Variants in GPR21 observed in about 807,000 individuals in gnomAD.
The protein encoded by GPR21 is G protein-coupled receptor 21, also known as probable G protein-coupled receptor 21.
In GPR21, 9 loss-of-function variants were observed where a neutral mutation model predicts 21.5. The ratio of observed to expected loss-of-function variants is 0.42; its 90% CI spans 0.25 to 0.73. The LOEUF is 0.73. Ranked by LOEUF, GPR21 falls within the 30% of genes least tolerant of loss-of-function variation. The pLI is 0.27. For synonymous variants in GPR21, 169 were observed against 159.3 expected (o/e 1.06, Z -0.46); for missense variants, 416 against 428.9 (o/e 0.97, Z 0.27).
At chr9:123,039,000 A>G (rs1310432436), downstream of GPR21, among the ~76,000 whole-genome samples, 2 of 152,180 alleles carry the variant, frequency 1.3e-5, no homozygotes, top group Non-Finnish European at 2.9e-5. Context: ...ATCCCTTCAT[A>G]CCTCATAGGG....
the GPR21 span, among the ~76,000 whole-genome samples, chr9:123,047,214 G>A: frequency 6.6e-6 from 1 of 152,272 alleles, no homozygotes; most frequent in Admixed American, 6.5e-5. Context: ...TAATCAAAAT[G>A]TTCTCTTGAT....
At chr9:123,041,208 T>C in the GPR21 span, among the ~76,000 whole-genome samples, 1 of 152,248 alleles carries the variant, frequency 6.6e-6, no homozygotes, top group African/African-American at 2.4e-5. Flanking sequence ...ATTAACCCCA[T>C]TATACAGATG....
At chr9:123,041,263 G>A in the GPR21 span, among the ~76,000 whole-genome samples, 1 of 152,202 alleles carries the variant, frequency 6.6e-6, no homozygotes, top group African/African-American at 2.4e-5. Context: ...ATAAGTGGAA[G>A]ATCTGGGATT....
rs1168660941 is a variant in GPR21 at position 123,035,084 on chromosome 9, A to G, written c.518A>G (p.Tyr173Cys). 1 of 1,614,014 alleles carries G rather than the reference A, an allele frequency of 6.2e-7. No homozygotes were observed. Among genetic ancestry groups the G allele is most frequent in the Non-Finnish European group, 8.5e-7 (1 of 1,180,028 alleles). Residue 173 changes from tyrosine to cysteine, a missense_variant, in exon 2 of 2, where the codon TAT becomes TGT. Transcript: ENST00000616002. Reference protein sequence around the residue: ...PSFFHWGKPGYHGDVFQWCAE... With the variant: ...PSFFHWGKPGCHGDVFQWCAE... Reference sequence around the variant, plus strand: ...TTTTTCCACTGGGGCAAACCTGGATATCATGGAGATGTGTTTCAGTGGTGT... The same window carrying G: ...TTTTTCCACTGGGGCAAACCTGGATGTCATGGAGATGTGTTTCAGTGGTGT...
rs766077858 is a variant in GPR21, at chr9:123,034,868, C to T, written c.302C>T (p.Thr101Ile). ...HHPLPVEESL[T>I]CQIFGFVVSV... ...CCCCTTCCAGTAGAGGAGTCCTTGA[C>T]TTGCCAGATATTTGGTTTTGTAGTA... Residue 101 changes from threonine to isoleucine, a missense_variant, in exon 2 of 2, where the codon ACT becomes ATT. Thr to Ile is a moderately conservative substitution (Grantham distance 89, BLOSUM62 -1). Coordinates refer to ENST00000616002, the MANE Select transcript of GPR21 (RefSeq NM_005294.3). 1.9e-5 allele frequency: 30 copies of T among 1,613,902 alleles called. No homozygotes were observed. Among genetic ancestry groups the T allele is most frequent in the Middle Eastern group, 3.3e-4 (2 of 6,080 alleles).
At chr9:123,039,982 A>G (rs1314880730), downstream of GPR21, among the ~76,000 whole-genome samples, 1 of 152,096 alleles carries the variant, frequency 6.6e-6, no homozygotes, top group African/African-American at 2.4e-5. Context: ...GGAAAATTGT[A>G]TTATGTAAGA....
chr9:123,046,293 A>G, the GPR21 span, among the ~76,000 whole-genome samples: 1 of 152,240 alleles, frequency 6.6e-6, no homozygotes, highest in Non-Finnish European at 1.5e-5. Context: ...TTTGAGGCTG[A>G]AGCGGTAAAG....
At chr9:123,036,816 CTT>C (rs35388646), downstream of GPR21, among the ~76,000 whole-genome samples, 2 of 142,190 alleles carry the variant, frequency 1.4e-5, no homozygotes. Context: ...TCTTAATGGT[CTT>C]TTTTTTTTTT....
In GPR21 at chr9:123,035,029, C is replaced by T; in HGVS notation, c.463C>T (p.Leu155=). 1.2e-6 allele frequency: 2 copies of T among 1,613,810 alleles called. No individual in the cohort carries two copies. Among genetic ancestry groups the T allele is most frequent in the Admixed American group, 1.7e-5 (1 of 60,024 alleles). The part of the protein sequence containing the change: ...RLRLCIFLIW[L]YSTLVFLPSF... ...ACGCCTGTGTATTTTCCTGATTTGG[C>T]TATACTCGACCCTGGTCTTCCTGCC... is the stretch of plus-strand genomic sequence containing the variant. The change falls in exon 2 of 2, where the codon CTA becomes TTA. Residue 155 remains leucine, a synonymous_variant. Transcript: ENST00000616002.
chr9:123,041,609 T>C, the GPR21 span, among the ~76,000 whole-genome samples: 71 of 152,244 alleles, frequency 4.7e-4, 1 homozygote, highest in African/African-American at 1.6e-3. Context: ...AGGTATAATA[T>C]GGATAAAAAG....
chr9:123,041,835 TA>T, the GPR21 span, among the ~76,000 whole-genome samples: 10 of 152,144 alleles, frequency 6.6e-5, no homozygotes, highest in Admixed American at 3.9e-4. Flanking sequence ...GCATAGAGAC[TA>T]AAAAACAAGA....
the GPR21 span, among the ~76,000 whole-genome samples, chr9:123,047,548 G>T: frequency 1.3e-5 from 2 of 152,006 alleles, no homozygotes; most frequent in Non-Finnish European, 2.9e-5. Flanking sequence ...AAAAGATCTG[G>T]TTTACTTATA....
the GPR21 span, among the ~76,000 whole-genome samples, chr9:123,044,529 A>G: frequency 6.6e-6 from 1 of 151,998 alleles, no homozygotes; most frequent in Non-Finnish European, 1.5e-5. Context: ...GGAACTTTTC[A>G]GATTTTGTAA....
At chr9:123,036,350 G>T (rs543794740), downstream of GPR21, among the ~76,000 whole-genome samples, 2 of 152,198 alleles carry the variant, frequency 1.3e-5, no homozygotes, top group Admixed American at 6.5e-5. Flanking sequence ...AGAAGTAATC[G>T]TGTAGTACTT....
At chr9:123,044,626 C>CAT in the GPR21 span, among the ~76,000 whole-genome samples, 1 of 149,088 alleles carries the variant, frequency 6.7e-6, no homozygotes, top group East Asian at 2.0e-4. Flanking sequence ...AACACACGTA[C>CAT]GTGTGTGTGT....
chr9:123,037,272 T>A (rs1327448918), downstream of GPR21, among the ~76,000 whole-genome samples: 1 of 152,246 alleles, frequency 6.6e-6, no homozygotes, highest in East Asian at 1.9e-4. Flanking sequence ...AGACATCAAC[T>A]TGATTTTAAC....
chr9:123,037,901 TC>T (rs982356198), downstream of GPR21, among the ~76,000 whole-genome samples: 12 of 152,252 alleles, frequency 7.9e-5, no homozygotes, highest in African/African-American at 2.6e-4. Flanking sequence ...CAGTCTGACT[TC>T]AAAAAAAATG....
the GPR21 span, among the ~76,000 whole-genome samples, chr9:123,043,986 C>T: frequency 5.5e-4 from 83 of 151,258 alleles, no homozygotes; most frequent in African/African-American, 1.7e-3. Context: ...CTGCAAGCTC[C>T]GCCTCCCGGG....
the GPR21 span, among the ~76,000 whole-genome samples, chr9:123,045,583 A>G: frequency 6.6e-6 from 1 of 152,238 alleles, no homozygotes; most frequent in East Asian, 1.9e-4. Context: ...TAATTAGGTA[A>G]TCTTAATCTG....
Sources: allele counts gnomAD v4.1 joint callset (sites outside exome capture counted in the v4.1 genomes callset), GRCh38; gene constraint gnomAD v4.1.1; transcripts MANE v1.5; gene names NCBI Gene and HGNC (gene_info 2026-07-23, HGNC 2026-07-21).